LPP: variants seen among roughly 807,000 people sequenced by gnomAD.
The protein encoded by LPP is lipoma-preferred partner.
A neutral mutation model predicts 60.4 loss-of-function variants in LPP; 38 were observed. That is an observed-to-expected ratio of 0.63 (90% CI 0.49 to 0.83). The LOEUF is 0.83. Among genes scored for constraint, LPP ranks in the 40% least tolerant of loss-of-function variants. The probability of loss-of-function intolerance (pLI) is 0.00; values close to 1 mark genes in which losing one functional copy is unlikely to be tolerated. For synonymous variants in LPP, 328 were observed against 290.8 expected (o/e 1.13, Z -1.30); for missense variants, 902 against 783.6 (o/e 1.15, Z -1.80).
chr3:188,713,554 G>A (rs1197995007), intron 8 of LPP, among the ~76,000 whole-genome samples: 2 of 152,112 alleles, frequency 1.3e-5, no homozygotes, highest in Non-Finnish European at 2.9e-5. Flanking sequence ...TATAAGGTGA[G>A]GTATGATTGT....
chr3:188,706,842 C>T (rs561913420), intron 7 of LPP, among the ~76,000 whole-genome samples: 1 of 152,302 alleles, frequency 6.6e-6, no homozygotes, highest in South Asian at 2.1e-4. Context: ...GCATTCCCAA[C>T]CCACATCTCT....
At chr3:188,584,630 A>G (rs1180443416) in intron 6 of LPP, 1 of 150,684 alleles carries the variant, frequency 6.6e-6, no homozygotes, top group Non-Finnish European at 1.5e-5. Flanking sequence ...TATTTAAATT[A>G]TGTTTTTTTA....
At chr3:188,866,746 A>G (rs1489369629) in intron 10 of LPP, among the ~76,000 whole-genome samples, 1 of 152,178 alleles carries the variant, frequency 6.6e-6, no homozygotes, top group Non-Finnish European at 1.5e-5. Flanking sequence ...TGAGCTCTTC[A>G]GTTTGGTCTT....
At chr3:188,364,457 C>T (rs143383033) in intron 3 of LPP, among the ~76,000 whole-genome samples, 208 of 152,248 alleles carry the variant, frequency 1.4e-3, no homozygotes, top group African/African-American at 4.9e-3. Context: ...GGTTTCCTTT[C>T]TGGGAGAATG....
At chr3:188,378,356 G>A (rs887565680) in intron 3 of LPP, among the ~76,000 whole-genome samples, 18 of 152,184 alleles carry the variant, frequency 1.2e-4, no homozygotes, top group Non-Finnish European at 2.2e-4. Context: ...GGGCTCCACC[G>A]AGTTCAAGCT....
At chr3:188,743,029 A>AACAGTGAAACAGTGTGAGTGCAGAGT (rs1177387994) in intron 8 of LPP, among the ~76,000 whole-genome samples, 22 of 152,158 alleles carry the variant, frequency 1.4e-4, no homozygotes, top group African/African-American at 5.1e-4. Flanking sequence ...GAGTGCAGAG[A>AACAGTGAAACAGTGTGAGTGCAGAGT]ACAGTGAAAC....
At chr3:188,270,025 A>G (rs141596385) in intron 2 of LPP, among the ~76,000 whole-genome samples, 12 of 151,248 alleles carry the variant, frequency 7.9e-5, no homozygotes, top group Non-Finnish European at 1.5e-4. Flanking sequence ...TCTTTAGGGT[A>G]TGATTCTATT....
At chr3:188,178,684 TGAA>T (rs1401384434) in intron 1 of LPP, 1 of 155,124 alleles carries the variant, frequency 6.4e-6, no homozygotes, top group Admixed American at 6.3e-5. Flanking sequence ...TGTGCGGCAG[TGAA>T]GGACACTTGT....
intron 6 of LPP, among the ~76,000 whole-genome samples, chr3:188,575,096 A>G (rs1027247760): frequency 6.6e-6 from 1 of 152,028 alleles, no homozygotes; most frequent in Non-Finnish European, 1.5e-5. Context: ...GCTCTCCTCA[A>G]TTAAGACTTT....
intron 2 of LPP, among the ~76,000 whole-genome samples, chr3:188,336,345 C>T (rs1761623767): frequency 6.6e-6 from 1 of 152,080 alleles, no homozygotes; most frequent in Admixed American, 6.6e-5. Flanking sequence ...CCCACAGAGC[C>T]AGGATTTGTG....
intron 9 of LPP, among the ~76,000 whole-genome samples, chr3:188,771,098 T>TTAATTCTATTATATTGTAGAATTCAC (rs1383485502): frequency 6.6e-6 from 1 of 152,186 alleles, no homozygotes; most frequent in African/African-American, 2.4e-5. Context: ...GTAGAATTCA[T>TTAATTCTATTATATTGTAGAATTCAC]TAATTCTATT....
At chr3:188,451,149 G>A (rs1188718796) in intron 4 of LPP, among the ~76,000 whole-genome samples, 1 of 152,004 alleles carries the variant, frequency 6.6e-6, no homozygotes, top group Non-Finnish European at 1.5e-5. Context: ...TCACCAGCAC[G>A]GGGTATTGCA....
chr3:188,202,873 A>G (rs1731471705), intron 1 of LPP, among the ~76,000 whole-genome samples: 2 of 151,736 alleles, frequency 1.3e-5, no homozygotes, highest in African/African-American at 4.8e-5. Flanking sequence ...TGACTCTAGA[A>G]CCCTCATTTT....
At chr3:188,232,583 A>T (rs1233396497) in intron 2 of LPP, among the ~76,000 whole-genome samples, 1 of 139,666 alleles carries the variant, frequency 7.2e-6, no homozygotes, top group African/African-American at 2.7e-5. Flanking sequence ...TGAACTCTTG[A>T]CCTCAAGTGA....
intron 3 of LPP, among the ~76,000 whole-genome samples, chr3:188,379,939 G>C (rs774632814): frequency 6.6e-6 from 1 of 152,220 alleles, no homozygotes; most frequent in Non-Finnish European, 1.5e-5. Flanking sequence ...ATTGAAGTTA[G>C]AAATATAAGT....
At chr3:188,672,214 A>G (rs933990556) in intron 7 of LPP, among the ~76,000 whole-genome samples, 6 of 152,094 alleles carry the variant, frequency 3.9e-5, no homozygotes, top group African/African-American at 1.4e-4. Context: ...ATCTTTCTTG[A>G]TACTAAGGCA....
intron 2 of LPP, among the ~76,000 whole-genome samples, chr3:188,306,247 A>ATTTT (rs66669354): frequency 2.1e-5 from 3 of 145,590 alleles, no homozygotes; most frequent in African/African-American, 7.6e-5. Context: ...TGTCCAGCTA[A>ATTTT]TTTTTTTTTT....
chr3:188,729,482 T>G (rs1310956168), intron 8 of LPP, among the ~76,000 whole-genome samples: 1 of 152,204 alleles, frequency 6.6e-6, no homozygotes, highest in Non-Finnish European at 1.5e-5. Flanking sequence ...ATAAAGCCAC[T>G]TAATAGGGAA....
At chr3:188,761,999 A>G (rs1475593622) in intron 9 of LPP, among the ~76,000 whole-genome samples, 1 of 66,344 alleles carries the variant, frequency 1.5e-5, no homozygotes, top group South Asian at 7.0e-4. Context: ...CCAAGTAAAC[A>G]CATACTGCTG....
Sources: gnomAD v4.1 joint callset for allele counts (sites outside exome capture counted in the v4.1 genomes callset) on GRCh38, gnomAD v4.1.1 for gene constraint, MANE v1.5 for transcripts, NCBI Gene and HGNC (gene_info 2026-07-23, HGNC 2026-07-21) for gene names.